Variants in OTOGL observed in about 807,000 individuals in gnomAD.
OTOGL encodes the protein otogelin like.
In OTOGL, 285 loss-of-function variants were observed where a neutral mutation model predicts 318.5. The ratio of observed to expected loss-of-function variants is 0.89; its 90% CI spans 0.81 to 0.99. The LOEUF is 0.99. Ranked by LOEUF, OTOGL falls within the 50% of genes least tolerant of loss-of-function variation. OTOGL has a pLI of 0.00. For missense variants in OTOGL, 2,899 were observed against 2,845.6 expected (o/e 1.02, Z -0.43); for synonymous variants, 987 against 936.5 (o/e 1.05, Z -0.99).
chr12:80,250,423 C>T (rs1881434392), intron 11 of OTOGL, among the ~76,000 whole-genome samples: 1 of 152,030 alleles, frequency 6.6e-6, no homozygotes, highest in South Asian at 2.1e-4. Context: ...TTGCATTGGG[C>T]TGGAAAACCA....
At chr12:80,340,288 G>A (rs1888681592) in intron 43 of OTOGL, among the ~76,000 whole-genome samples, 1 of 151,930 alleles carries the variant, frequency 6.6e-6, no homozygotes, top group Non-Finnish European at 1.5e-5. Flanking sequence ...AACATTTTTG[G>A]AAATTTTTGC....
At chr12:80,202,897 A>C (rs1876558816) in intron 1 of OTOGL, among the ~76,000 whole-genome samples, 2 of 152,156 alleles carry the variant, frequency 1.3e-5, no homozygotes, top group South Asian at 4.1e-4. Context: ...TAGCATGCAC[A>C]TGACTAAAAA....
At chr12:80,138,692 T>C (rs1463773941) in intron 1 of OTOGL, among the ~76,000 whole-genome samples, 1 of 152,130 alleles carries the variant, frequency 6.6e-6, no homozygotes, top group Non-Finnish European at 1.5e-5. Flanking sequence ...CAAGAAAATA[T>C]AAAGTCTAAT....
chr12:80,208,685 A>G (rs561916386), intron 1 of OTOGL, among the ~76,000 whole-genome samples: 2 of 152,330 alleles, frequency 1.3e-5, no homozygotes, highest in South Asian at 4.1e-4. Context: ...GGTATTTGTC[A>G]CAGAGGATGG....
intron 1 of OTOGL, among the ~76,000 whole-genome samples, chr12:80,111,111 C>T (rs1592460236): frequency 6.6e-6 from 1 of 152,136 alleles, no homozygotes; most frequent in East Asian, 1.9e-4. Flanking sequence ...GGTTATTTTT[C>T]TTGTAAATTT....
At chr12:80,148,854 G>T (rs1474961859) in intron 1 of OTOGL, among the ~76,000 whole-genome samples, 2 of 152,144 alleles carry the variant, frequency 1.3e-5, no homozygotes, top group South Asian at 4.1e-4. Context: ...ATCAGCTCCT[G>T]AGGCTTCTGC....
At chr12:80,335,615 G>T (rs527568426) in intron 38 of OTOGL, among the ~76,000 whole-genome samples, 6 of 152,038 alleles carry the variant, frequency 3.9e-5, no homozygotes, top group African/African-American at 1.4e-4. Flanking sequence ...AAGTTATATT[G>T]ATATACTAGC....
intron 29 of OTOGL, among the ~76,000 whole-genome samples, chr12:80,307,777 G>A (rs1886278729): frequency 7.2e-6 from 1 of 139,780 alleles, no homozygotes; most frequent in Non-Finnish European, 1.6e-5. Flanking sequence ...GGGGTGGCTG[G>A]CCGGGCAGAG....
Position 80,359,438 on chromosome 12 carries a change from A to T in OTOGL, c.6267+538A>T, listed in dbSNP as rs534081069. Among the ~76,000 whole-genome samples the T allele has an allele frequency of 2.2e-4, 34 of 152,302 alleles. No homozygotes were observed. In the South Asian group the frequency reaches 7.0e-3, roughly 32 times the overall value. Reference sequence around the variant, plus strand: ...TTACAAGTCTTTGTTTTCTTTAACTATCTTCATGATATGCCGATAAGGCTT... The same window carrying T: ...TTACAAGTCTTTGTTTTCTTTAACTTTCTTCATGATATGCCGATAAGGCTT... On this transcript the variant is annotated intron_variant, in intron 52 of 58. Coordinates refer to ENST00000547103, the MANE Select transcript of OTOGL (RefSeq NM_001378609.3).
Position 80,261,912 on chromosome 12 carries a change from G to A in OTOGL, c.1890-57G>A, listed in dbSNP as rs10778721. ...GTATTCTCTTATTTAAATATCTGAA[G>A]GTTATGAACAAATGAATGAGAGATA... On this transcript the variant is annotated intron_variant, in intron 18 of 58. Coordinates refer to ENST00000547103, the MANE Select transcript of OTOGL (RefSeq NM_001378609.3). The A allele has an allele frequency of 1, 1,545,140 of 1,546,104 alleles. 772,095 individuals carry two copies. Among genetic ancestry groups the A allele is most frequent in the East Asian group, 1 (43,286 of 43,286 alleles).
chr12:80,129,750 G>A (rs1294428895), intron 1 of OTOGL, among the ~76,000 whole-genome samples: 9 of 151,966 alleles, frequency 5.9e-5, no homozygotes, highest in Admixed American at 5.9e-4. Context: ...TTTATTCATA[G>A]TCACCTGTGA....
chr12:80,337,725 A>G (rs1224386789), intron 42 of OTOGL, among the ~76,000 whole-genome samples: 1 of 152,074 alleles, frequency 6.6e-6, no homozygotes, highest in Non-Finnish European at 1.5e-5. Flanking sequence ...CTGAAGTACT[A>G]TGTACTTTCT....
At chr12:80,329,198 C>T in intron 37 of OTOGL, 79 bp downstream of exon 37, 1 of 1,093,288 alleles carries the variant, frequency 9.1e-7, no homozygotes, top group Non-Finnish European at 1.2e-6. Flanking sequence ...TTAGGTGTTA[C>T]TATAGCTGCT....
At chr12:80,339,618 T>C (rs1888641985) in intron 43 of OTOGL, among the ~76,000 whole-genome samples, 1 of 152,048 alleles carries the variant, frequency 6.6e-6, no homozygotes, top group South Asian at 2.1e-4. Flanking sequence ...AAGTAGATAA[T>C]AGTGTTATCT....
chr12:80,224,356 C>A (rs1878630332), intron 7 of OTOGL, among the ~76,000 whole-genome samples: 1 of 152,044 alleles, frequency 6.6e-6, no homozygotes, highest in African/African-American at 2.4e-5. Context: ...TAATGTAATG[C>A]CTCAAACTTT....
intron 1 of OTOGL, among the ~76,000 whole-genome samples, chr12:80,148,510 G>T (rs1872558409): frequency 6.7e-6 from 1 of 149,212 alleles, no homozygotes; most frequent in Admixed American, 6.7e-5. Context: ...TTCAACTTTG[G>T]TGAATCTGAC....
intron 1 of OTOGL, among the ~76,000 whole-genome samples, chr12:80,196,895 G>A (rs904426211): frequency 2.6e-5 from 4 of 152,164 alleles, no homozygotes; most frequent in South Asian, 2.1e-4. Context: ...GGGGAAGGGG[G>A]TGGTCGGACA....
chr12:80,201,701 C>G (rs1270755907), intron 1 of OTOGL, among the ~76,000 whole-genome samples: 1 of 152,080 alleles, frequency 6.6e-6, no homozygotes, highest in African/African-American at 2.4e-5. Flanking sequence ...GAGAACCATC[C>G]AAAACTCTCA....
In OTOGL at chr12:80,377,939, G is replaced by A. The variant is rs756670112; in HGVS notation, c.6953G>A (p.Arg2318His). The stretch of plus-strand genomic sequence containing the variant: ...CACCTAAGATTCTGCAAGTGTTGTC[G>A]TGAAAATGGAGTACGAAACTTGTCT... The part of the protein sequence containing the change: ...ESHLRFCKCC[R>H]ENGVRNLSVP... The change falls in exon 59 of 59, where the codon CGT (arginine) becomes CAT (histidine). Residue 2318 changes from arginine to histidine, a missense_variant. By Grantham distance (29) the Arg-to-His change is conservative (BLOSUM62 0). Coordinates refer to ENST00000547103, the MANE Select transcript of OTOGL (RefSeq NM_001378609.3). The A allele has an allele frequency of 5.6e-5, 90 of 1,609,980 alleles. 1 individual carries two copies. In the Middle Eastern group the frequency reaches 9.9e-4, roughly 18 times the overall value.
Sources: gnomAD v4.1 joint callset for allele counts (sites outside exome capture counted in the v4.1 genomes callset) on GRCh38, gnomAD v4.1.1 for gene constraint, MANE v1.5 for transcripts, NCBI Gene and HGNC (gene_info 2026-07-23, HGNC 2026-07-21) for gene names.